The following MEF2C variants were observed in gnomAD, a reference collection of about 807,000 sequenced individuals.
MEF2C encodes myocyte-specific enhancer factor 2C.
In MEF2C, 6 loss-of-function variants were observed where a neutral mutation model predicts 50.5. That is an observed-to-expected ratio of 0.12 (90% CI 0.07 to 0.23). MEF2C has a LOEUF of 0.23. MEF2C is among the 10% of genes least tolerant of loss of function. MEF2C has a pLI of 1.00. For missense variants in MEF2C, 276 were observed against 605.0 expected (o/e 0.46, Z 5.70); for synonymous variants, 183 against 228.0 (o/e 0.80, Z 1.78).
intron 4 of MEF2C, among the ~76,000 whole-genome samples, chr5:88,760,230 T>C (rs1033202726): frequency 3.9e-5 from 6 of 152,262 alleles, no homozygotes; most frequent in African/African-American, 1.4e-4. Flanking sequence ...CCTATATATG[T>C]GGACAACAAA....
intron 3 of MEF2C, among the ~76,000 whole-genome samples, chr5:88,783,386 T>C (rs1789162126): frequency 1.3e-5 from 2 of 152,128 alleles, no homozygotes; most frequent in African/African-American, 4.8e-5. Context: ...CCCAGCACTT[T>C]GGGAGGCCGA....
intron 1 of MEF2C, among the ~76,000 whole-genome samples, chr5:88,846,880 T>C (rs1241112780): frequency 6.6e-6 from 1 of 152,216 alleles, no homozygotes; most frequent in Non-Finnish European, 1.5e-5. Flanking sequence ...TTTTAAATAT[T>C]CTACTTTGAA....
intron 1 of MEF2C, among the ~76,000 whole-genome samples, chr5:88,847,272 A>G (rs1214045610): frequency 6.6e-6 from 1 of 152,248 alleles, no homozygotes; most frequent in African/African-American, 2.4e-5. Flanking sequence ...ATATTTAAAT[A>G]GAATAAATCA....
At chr5:88,845,428 A>G (rs1818953765) in intron 1 of MEF2C, among the ~76,000 whole-genome samples, 1 of 152,220 alleles carries the variant, frequency 6.6e-6, no homozygotes, top group African/African-American at 2.4e-5. Context: ...TAATAAGCCA[A>G]ACTTTCATTA....
chr5:88,857,170 T>C (rs1254090443), intron 1 of MEF2C, among the ~76,000 whole-genome samples: 1 of 152,236 alleles, frequency 6.6e-6, no homozygotes, highest in Non-Finnish European at 1.5e-5. Flanking sequence ...AAGGTGATCA[T>C]TTTGGAAATT....
intron 2 of MEF2C, among the ~76,000 whole-genome samples, chr5:88,821,795 G>A (rs574280865): frequency 1.3e-4 from 20 of 151,664 alleles, no homozygotes; most frequent in Non-Finnish European, 2.8e-4. Context: ...GGATAAAGTG[G>A]GGATGTTTAA....
intron 3 of MEF2C, among the ~76,000 whole-genome samples, chr5:88,770,736 T>C (rs1782037811): frequency 6.6e-6 from 1 of 152,208 alleles, no homozygotes; most frequent in African/African-American, 2.4e-5. Flanking sequence ...TTTTGTCTGT[T>C]TGTTTTTGGA....
At chr5:88,874,698 G>A (rs879402243) in intron 1 of MEF2C, among the ~76,000 whole-genome samples, 2 of 151,824 alleles carry the variant, frequency 1.3e-5, no homozygotes, top group African/African-American at 2.4e-5. Context: ...ATCTATTTAA[G>A]TTTCAAGAGA....
chr5:88,738,031 G>A, intron 6 of MEF2C: 1 of 985,346 alleles, frequency 1.0e-6, no homozygotes, highest in Non-Finnish European at 1.2e-6. Context: ...GAGAAATGAT[G>A]TCTGAATGAG....
At chr5:88,879,926 G>A (rs1279378299) in intron 1 of MEF2C, among the ~76,000 whole-genome samples, 1 of 151,864 alleles carries the variant, frequency 6.6e-6, no homozygotes, top group African/African-American at 2.4e-5. Flanking sequence ...TATGTAATCT[G>A]CCTTTTGTAA....
At chr5:88,878,217 T>C (rs537254140) in intron 1 of MEF2C, among the ~76,000 whole-genome samples, 72 of 152,142 alleles carry the variant, frequency 4.7e-4, no homozygotes, top group Middle Eastern at 3.4e-3. Context: ...TTGGATGCTA[T>C]AGAATGTTTG....
At chr5:88,863,824 CTTTT>C (rs369890636) in intron 1 of MEF2C, among the ~76,000 whole-genome samples, 1 of 142,628 alleles carries the variant, frequency 7.0e-6, no homozygotes, top group African/African-American at 2.6e-5. Context: ...ATTTCTTTTT[CTTTT>C]TTTTTTTTTT....
At chr5:88,774,962 A>C (rs1489719073) in intron 3 of MEF2C, among the ~76,000 whole-genome samples, 1 of 152,182 alleles carries the variant, frequency 6.6e-6, no homozygotes, top group Non-Finnish European at 1.5e-5. Context: ...TCTGTTCCAC[A>C]CAAGGCTGCG....
At chr5:88,842,826 T>C (rs905939323) in intron 1 of MEF2C, among the ~76,000 whole-genome samples, 1 of 152,220 alleles carries the variant, frequency 6.6e-6, no homozygotes, top group African/African-American at 2.4e-5. Flanking sequence ...TTTAAAAATA[T>C]GACATTCTGG....
chr5:88,899,603 T>C (rs990149027), intron 1 of MEF2C, among the ~76,000 whole-genome samples: 1 of 152,092 alleles, frequency 6.6e-6, no homozygotes, highest in Admixed American at 6.6e-5. Context: ...TCTTTAACTC[T>C]AATGAGGAAG....
chr5:88,815,231 G>C (rs1056350944), intron 2 of MEF2C, among the ~76,000 whole-genome samples: 1 of 152,046 alleles, frequency 6.6e-6, no homozygotes, highest in African/African-American at 2.4e-5. Flanking sequence ...ATTCCCTGCT[G>C]AGCAAATGCT....
chr5:88,806,821 T>G (rs1363183473), intron 2 of MEF2C, among the ~76,000 whole-genome samples: 7 of 151,610 alleles, frequency 4.6e-5, no homozygotes, highest in Middle Eastern at 3.5e-3. Context: ...TGTGATCTGT[T>G]TAACCTCTCT....
intron 2 of MEF2C, among the ~76,000 whole-genome samples, chr5:88,807,354 G>A (rs1800915087): frequency 6.6e-6 from 1 of 152,088 alleles, no homozygotes; most frequent in Admixed American, 6.5e-5. Flanking sequence ...CTCCGGAGTA[G>A]CTGGTACTAC....
At chr5:88,886,561 T>C (rs567610363), upstream of MEF2C, among the ~76,000 whole-genome samples, 4 of 152,340 alleles carry the variant, frequency 2.6e-5, no homozygotes, top group South Asian at 8.3e-4. Context: ...AAAATGTTTC[T>C]ACCCTTTAAA....
Sources: gnomAD v4.1 joint callset for allele counts (sites outside exome capture counted in the v4.1 genomes callset) on GRCh38, gnomAD v4.1.1 for gene constraint, MANE v1.5 for transcripts, NCBI Gene and HGNC (gene_info 2026-07-23, HGNC 2026-07-21) for gene names.